MRPS31: variants seen among roughly 807,000 people sequenced by gnomAD.
The protein encoded by MRPS31 is mitochondrial ribosomal protein S31.
Under a neutral mutation model 43.1 loss-of-function variants are expected in MRPS31, and 32 were observed. The observed-to-expected ratio is 0.74, with a 90% CI of 0.56 to 1.00. MRPS31 has a LOEUF of 1.00. MRPS31 is among the 50% of genes least tolerant of loss of function. The pLI is 0.00. For synonymous variants in MRPS31, 165 were observed against 161.6 expected (o/e 1.02, Z -0.16); for missense variants, 437 against 466.7 (o/e 0.94, Z 0.59).
At chr13:40,762,644 A>G (rs879414281) in intron 2 of MRPS31, among the ~76,000 whole-genome samples, 1 of 151,738 alleles carries the variant, frequency 6.6e-6, no homozygotes, top group Non-Finnish European at 1.5e-5. Flanking sequence ...CTATGTTGGC[A>G]GGGCTGGTCT....
At chr13:40,744,982 C>T (rs1193864490) in intron 6 of MRPS31, among the ~76,000 whole-genome samples, 9 of 150,880 alleles carry the variant, frequency 6.0e-5, no homozygotes, top group Non-Finnish European at 1.2e-4. Flanking sequence ...AGTGCAGTGG[C>T]GAGATCTCAG....
chr13:40,733,293 C>A (rs537338750), intron 6 of MRPS31, among the ~76,000 whole-genome samples: 1 of 151,948 alleles, frequency 6.6e-6, no homozygotes, highest in Non-Finnish European at 1.5e-5. Flanking sequence ...TGTGAGCCAC[C>A]GCGCCCAGCC....
intron 3 of MRPS31, among the ~76,000 whole-genome samples, chr13:40,758,099 C>T (rs1453542434): frequency 4.0e-5 from 6 of 150,366 alleles, no homozygotes; most frequent in African/African-American, 9.8e-5. Context: ...GCCGAGATCG[C>T]GCCACTGCAC....
chr13:40,756,343 T>A (rs1296137671), intron 4 of MRPS31, among the ~76,000 whole-genome samples: 1 of 152,224 alleles, frequency 6.6e-6, no homozygotes, highest in Non-Finnish European at 1.5e-5. Context: ...TGGCTCAGCA[T>A]CTTTAAGAAC....
intron 1 of MRPS31, among the ~76,000 whole-genome samples, chr13:40,767,381 T>C (rs1054504781): frequency 2.0e-5 from 3 of 152,256 alleles, no homozygotes; most frequent in Admixed American, 2.0e-4. Context: ...GGTCTCTTTT[T>C]ATAATTATTG....
At chr13:40,770,451 A>T (rs1176135296) in intron 1 of MRPS31, among the ~76,000 whole-genome samples, 1 of 152,068 alleles carries the variant, frequency 6.6e-6, no homozygotes, top group Non-Finnish European at 1.5e-5. Flanking sequence ...TCTCCCCTAT[A>T]ATGGTTAGGT....
At chr13:40,746,400 C>T (rs1405847490) in intron 6 of MRPS31, among the ~76,000 whole-genome samples, 1 of 152,176 alleles carries the variant, frequency 6.6e-6, no homozygotes, top group Non-Finnish European at 1.5e-5. Context: ...CCTGTTTTTA[C>T]TTCAGGTAAC....
chr13:40,741,245 C>T (rs543057817), intron 6 of MRPS31, among the ~76,000 whole-genome samples: 1 of 151,978 alleles, frequency 6.6e-6, no homozygotes, highest in East Asian at 1.9e-4. Context: ...ATATTATTAC[C>T]TTTTATATTA....
At chr13:40,770,336 A>T (rs1156942923) in intron 1 of MRPS31, among the ~76,000 whole-genome samples, 1 of 152,236 alleles carries the variant, frequency 6.6e-6, no homozygotes. Flanking sequence ...CTCGGAGGAT[A>T]AATACCAAAA....
intron 2 of MRPS31, among the ~76,000 whole-genome samples, chr13:40,766,120 T>TA (rs1880836883): frequency 6.6e-6 from 1 of 152,204 alleles, no homozygotes; most frequent in African/African-American, 2.4e-5. Flanking sequence ...ATGATATTGT[T>TA]AATTAACAGC....
In MRPS31 at chr13:40,729,351, G is replaced by T. The variant is rs1879594304; in HGVS notation, c.*21C>A. On this transcript the variant is annotated 3_prime_UTR_variant, in exon 7 of 7. Coordinates refer to ENST00000323563, the MANE Select transcript of MRPS31 (RefSeq NM_005830.4). ...TTGTAATATCCATCTCTAATTGTTT[G>T]AAATAAAAATTTCCATGGTCTTAAT... The T allele has an allele frequency of 1.6e-6, 2 of 1,231,684 alleles. No individual in the cohort carries two copies. Among genetic ancestry groups the T allele is most frequent in the Non-Finnish European group, 2.3e-6 (2 of 872,014 alleles). The allele number at this position is 1,231,684 out of a possible 1,614,324, so 76.3% of individuals were successfully genotyped here. A position where few individuals can be genotyped will look rare whatever the true frequency, so the allele number is the denominator to read the frequency against.
At chr13:40,733,708 CT>C (rs1879779391) in intron 6 of MRPS31, among the ~76,000 whole-genome samples, 1 of 152,136 alleles carries the variant, frequency 6.6e-6, no homozygotes, top group Non-Finnish European at 1.5e-5. Flanking sequence ...TGGATCATGG[CT>C]GTAAGCCCAG....
intron 5 of MRPS31, among the ~76,000 whole-genome samples, chr13:40,752,922 A>G (rs1247473875): frequency 4.6e-5 from 7 of 152,096 alleles, no homozygotes; most frequent in Non-Finnish European, 5.9e-5. Context: ...TCTATTTTTT[A>G]GAGAAAGGGG....
chr13:40,735,882 C>T, intron 6 of MRPS31, among the ~76,000 whole-genome samples: 1 of 150,760 alleles, frequency 6.6e-6, no homozygotes, highest in South Asian at 2.1e-4. Context: ...GCCTCTCCTC[C>T]TCCAAAGGAA....
chr13:40,755,263 C>A (rs909928560), intron 4 of MRPS31, among the ~76,000 whole-genome samples: 2 of 152,188 alleles, frequency 1.3e-5, no homozygotes, highest in African/African-American at 4.8e-5. Flanking sequence ...CTCTTCAGTG[C>A]CTTGCATTCT....
chr13:40,769,656 A>T (rs1204658204), intron 1 of MRPS31, among the ~76,000 whole-genome samples: 2 of 152,006 alleles, frequency 1.3e-5, no homozygotes, highest in Non-Finnish European at 2.9e-5. Context: ...AATCTATTTA[A>T]GAAAATGGTC....
At chr13:40,762,843 G>A (rs1880740809) in intron 2 of MRPS31, among the ~76,000 whole-genome samples, 3 of 131,720 alleles carry the variant, frequency 2.3e-5, no homozygotes, top group African/African-American at 5.7e-5. Flanking sequence ...TGTGTGTGTT[G>A]TACATATATC....
chr13:40,768,629 C>T (rs866245983), intron 1 of MRPS31, among the ~76,000 whole-genome samples: 1 of 152,000 alleles, frequency 6.6e-6, no homozygotes, highest in East Asian at 1.9e-4. Flanking sequence ...TAGGCTCAAG[C>T]GATCTGCCCG....
At chr13:40,759,155 T>G (rs527298071) in intron 2 of MRPS31, 49 bp from the exon 3 acceptor site, 14 of 1,459,866 alleles carry the variant, frequency 9.6e-6, no homozygotes, top group Non-Finnish European at 1.3e-5. Context: ...AAAGAGAGAT[T>G]GGCCAGGTGC....
Sources: allele counts gnomAD v4.1 joint callset (sites outside exome capture counted in the v4.1 genomes callset), GRCh38; gene constraint gnomAD v4.1.1; transcripts MANE v1.5; gene names NCBI Gene and HGNC (gene_info 2026-07-23, HGNC 2026-07-21).